Variants in EPHA3 observed in about 807,000 individuals in gnomAD.
EPHA3 encodes ephrin type-A receptor 3.
A neutral mutation model predicts 107.1 loss-of-function variants in EPHA3; 42 were observed. The observed-to-expected ratio is 0.39, with a 90% confidence interval of 0.31 to 0.51. The LOEUF (loss-of-function observed/expected upper bound fraction) is 0.51. Among genes scored for constraint, EPHA3 ranks in the 20% least tolerant of loss-of-function variants. The probability of loss-of-function intolerance (pLI) is 0.78; values close to 1 mark genes in which losing one functional copy is unlikely to be tolerated. For synonymous variants in EPHA3, 461 were observed against 424.8 expected, an observed-to-expected ratio of 1.09 and a Z score of -1.05; for missense variants, 1,183 against 1,211.2, an observed-to-expected ratio of 0.98 and a Z score of 0.35.
chr3:89,184,857 A>G (rs1705527910), intron 2 of EPHA3, among the ~76,000 whole-genome samples: 2 of 152,036 alleles, frequency 1.3e-5, no homozygotes, highest in African/African-American at 4.8e-5. Context: ...TGAAGCTGGA[A>G]ACTACTGCTC....
intron 3 of EPHA3, among the ~76,000 whole-genome samples, chr3:89,251,550 G>A (rs544994303): frequency 2.6e-5 from 4 of 151,990 alleles, no homozygotes; most frequent in Non-Finnish European, 4.4e-5. Flanking sequence ...AATTAATAGA[G>A]ATAGAAACCA....
At chr3:89,438,346 C>T (rs1359327871) in intron 13 of EPHA3, among the ~76,000 whole-genome samples, 4 of 151,922 alleles carry the variant, frequency 2.6e-5, no homozygotes, top group Admixed American at 6.6e-5. Context: ...CTCCTGACCT[C>T]GTGATCCGCC....
chr3:89,380,935 A>G (rs1198523427), intron 5 of EPHA3, among the ~76,000 whole-genome samples: 1 of 151,974 alleles, frequency 6.6e-6, no homozygotes, highest in South Asian at 2.1e-4. Flanking sequence ...CTCCCGGCTA[A>G]TAGTAGTAGC....
intron 5 of EPHA3, among the ~76,000 whole-genome samples, chr3:89,362,957 A>G (rs949569302): frequency 1.3e-5 from 2 of 151,044 alleles, no homozygotes; most frequent in East Asian, 3.9e-4. Flanking sequence ...AAGAAGATTT[A>G]TGCAAACCCA....
At chr3:89,262,784 A>G (rs968226778) in intron 3 of EPHA3, among the ~76,000 whole-genome samples, 2 of 151,638 alleles carry the variant, frequency 1.3e-5, no homozygotes, top group African/African-American at 4.8e-5. Context: ...ATCAAACTCT[A>G]TTCACTCGCA....
At chr3:89,336,732 G>A (rs567981121) in intron 3 of EPHA3, among the ~76,000 whole-genome samples, 55 of 152,048 alleles carry the variant, frequency 3.6e-4, no homozygotes, top group African/African-American at 1.2e-3. Flanking sequence ...TTACTCATCC[G>A]CCCATACCAA....
At chr3:89,191,308 A>AT (rs1249571249) in intron 2 of EPHA3, among the ~76,000 whole-genome samples, 4 of 150,550 alleles carry the variant, frequency 2.7e-5, no homozygotes, top group South Asian at 2.1e-4. Context: ...AATTTTTTTT[A>AT]TTTTTTTATT....
chr3:89,361,982 A>T (rs527450440), intron 5 of EPHA3, among the ~76,000 whole-genome samples: 10 of 151,280 alleles, frequency 6.6e-5, no homozygotes, highest in African/African-American at 2.4e-4. Flanking sequence ...CTTTAAGTGA[A>T]AATATTTTCA....
intron 3 of EPHA3, among the ~76,000 whole-genome samples, chr3:89,276,050 G>A (rs1180417989): frequency 6.6e-6 from 1 of 152,020 alleles, no homozygotes; most frequent in Non-Finnish European, 1.5e-5. Flanking sequence ...AAAAGCAGAG[G>A]TAGAAACACT....
At chr3:89,337,257 G>T (rs987104868) in intron 3 of EPHA3, among the ~76,000 whole-genome samples, 3 of 152,078 alleles carry the variant, frequency 2.0e-5, no homozygotes, top group African/African-American at 4.8e-5. Context: ...AAAATAATTT[G>T]TGTTTTAAGG....
intron 3 of EPHA3, among the ~76,000 whole-genome samples, chr3:89,263,100 G>A (rs1452198417): frequency 6.7e-6 from 1 of 150,328 alleles, no homozygotes; most frequent in Non-Finnish European, 1.5e-5. Context: ...TCTTCATTAG[G>A]TATTTCTCCT....
chr3:89,153,290 A>G (rs543821609), intron 2 of EPHA3, among the ~76,000 whole-genome samples: 2 of 152,082 alleles, frequency 1.3e-5, no homozygotes, highest in Non-Finnish European at 2.9e-5. Flanking sequence ...TCCTGCTTTA[A>G]TTTTTTCACA....
intron 2 of EPHA3, among the ~76,000 whole-genome samples, chr3:89,138,567 T>G (rs1704362821): frequency 2.6e-5 from 4 of 151,860 alleles, no homozygotes; most frequent in African/African-American, 9.7e-5. Flanking sequence ...GTGATGAATT[T>G]TGTGTGCCAC....
intron 3 of EPHA3, among the ~76,000 whole-genome samples, chr3:89,280,952 C>A (rs1489920971): frequency 6.6e-6 from 1 of 151,812 alleles, no homozygotes; most frequent in African/African-American, 2.4e-5. Context: ...TTACTAAATA[C>A]CATCCATGGT....
At chr3:89,237,337 C>T (rs1704789997) in intron 3 of EPHA3, among the ~76,000 whole-genome samples, 1 of 152,192 alleles carries the variant, frequency 6.6e-6, no homozygotes. Flanking sequence ...TGCCACTGCA[C>T]CTCAGCCTGG....
At chr3:89,282,024 T>C (rs771148624) in intron 3 of EPHA3, among the ~76,000 whole-genome samples, 2 of 152,232 alleles carry the variant, frequency 1.3e-5, no homozygotes, top group Non-Finnish European at 2.9e-5. Flanking sequence ...CAATTATATA[T>C]TAAATAATTC....
chr3:89,308,591 C>T (rs868633032), intron 3 of EPHA3, among the ~76,000 whole-genome samples: 5 of 141,026 alleles, frequency 3.5e-5, no homozygotes, highest in African/African-American at 1.3e-4. Flanking sequence ...TTATGGACTA[C>T]AGCCAAGGGA....
intron 2 of EPHA3, among the ~76,000 whole-genome samples, chr3:89,170,547 A>G (rs1705187633): frequency 6.6e-6 from 1 of 152,150 alleles, no homozygotes; most frequent in Admixed American, 6.5e-5. Context: ...CAAGGAGTTG[A>G]TGACATACGA....
chr3:89,399,291 C>G, intron 6 of EPHA3, 27 bp from the exon 7 acceptor site: 3 of 1,580,254 alleles, frequency 1.9e-6, no homozygotes, highest in Non-Finnish European at 2.6e-6. Context: ...TTGATTTTAA[C>G]ATGAATTTTT....
Sources: gnomAD v4.1 joint callset for allele counts (sites outside exome capture counted in the v4.1 genomes callset) on GRCh38, gnomAD v4.1.1 for gene constraint, MANE v1.5 for transcripts, NCBI Gene and HGNC (gene_info 2026-07-23, HGNC 2026-07-21) for gene names.